The following OPRM1 variants were observed in gnomAD, a reference collection of about 807,000 sequenced individuals.
OPRM1 encodes opioid receptor mu 1.
In OPRM1, 27 loss-of-function variants were observed where a neutral mutation model predicts 31.8. The ratio of observed to expected loss-of-function variants is 0.85; its 90% confidence interval spans 0.63 to 1.17. The LOEUF is 1.17. OPRM1 is among the 50% of genes most tolerant of loss of function. OPRM1 has a pLI of 0.00. For synonymous variants in OPRM1, 196 were observed against 189.9 expected (o/e 1.03, Z -0.26); for missense variants, 536 against 511.1 (o/e 1.05, Z -0.47).
At chr6:154,025,167 T>C (rs1333102505) in intron 1 of OPRM1, among the ~76,000 whole-genome samples, 1 of 152,062 alleles carries the variant, frequency 6.6e-6, no homozygotes, top group Non-Finnish European at 1.5e-5. Flanking sequence ...TCTCTTTAGC[T>C]CTCATAATAC....
chr6:154,119,985 T>C lies in OPRM1; in HGVS notation c.*1264T>C, dbSNP rs1449894156. 6.6e-6 allele frequency among the ~76,000 whole-genome samples: 1 copy of C among 152,206 alleles called. No individual in the cohort carries two copies. The highest frequency in any genetic ancestry group is 2.4e-5 in the African/African-American group (1 of 41,456). ...AATTCTCCGCTTTAACTGATTTTCT[T>C]TGTTGTGAAACACAGTAGAGATTTG... On this transcript the variant is annotated 3_prime_UTR_variant, in exon 4 of 4. Transcript: ENST00000330432.
At chr6:154,212,707 T>C (rs950861546) in intron 3 of OPRM1, 395 of 1,105,896 alleles carry the variant, frequency 3.6e-4, no homozygotes, top group Non-Finnish European at 7.4e-5. Context: ...TCCTATTCAA[T>C]TGGAAGAAAT....
chr6:154,052,331 C>G (rs1374626130), intron 1 of OPRM1, among the ~76,000 whole-genome samples: 2 of 152,126 alleles, frequency 1.3e-5, no homozygotes, highest in African/African-American at 4.8e-5. Flanking sequence ...TATCTTGGAA[C>G]TTAGAGTAAA....
At chr6:154,170,251 T>C (rs1473125660) in intron 3 of OPRM1, among the ~76,000 whole-genome samples, 1 of 151,996 alleles carries the variant, frequency 6.6e-6, no homozygotes, top group Admixed American at 6.5e-5. Context: ...CTCCTTAATG[T>C]TTATATGTTT....
chr6:154,188,417 G>A (rs867146584), intron 3 of OPRM1, among the ~76,000 whole-genome samples: 3 of 152,174 alleles, frequency 2.0e-5, no homozygotes, highest in African/African-American at 4.8e-5. Flanking sequence ...AGACCATAAC[G>A]ATTTCTGTTT....
At chr6:154,091,891 G>C (rs1005741213) in intron 3 of OPRM1, 10 of 990,666 alleles carry the variant, frequency 1.0e-5, no homozygotes, top group African/African-American at 1.7e-5. Context: ...TGTGATTAAA[G>C]AGAGAGGGTG....
At chr6:154,240,313 G>A (rs958492023) in intron 3 of OPRM1, among the ~76,000 whole-genome samples, 1 of 152,156 alleles carries the variant, frequency 6.6e-6, no homozygotes, top group African/African-American at 2.4e-5. Context: ...TACGTCCTCT[G>A]CTGCTTATGT....
At chr6:154,151,429 AG>A (rs1798496066) in intron 3 of OPRM1, among the ~76,000 whole-genome samples, 1 of 152,164 alleles carries the variant, frequency 6.6e-6, no homozygotes, top group African/African-American at 2.4e-5. Context: ...AAAGAGGGGC[AG>A]GGCCCTTTGC....
intron 3 of OPRM1, among the ~76,000 whole-genome samples, chr6:154,170,104 C>T (rs1011801015): frequency 6.6e-6 from 1 of 152,186 alleles, no homozygotes; most frequent in Non-Finnish European, 1.5e-5. Flanking sequence ...TCAAATGATA[C>T]AGAGGTTACT....
chr6:154,093,386 G>T (rs201738067), intron 3 of OPRM1: 2 of 1,614,020 alleles, frequency 1.2e-6, no homozygotes, highest in East Asian at 2.2e-5. Flanking sequence ...TCCTTCACTC[G>T]TCCTGCCTTC....
chr6:154,159,903 G>A (rs1263675905), intron 3 of OPRM1: 1 of 1,613,658 alleles, frequency 6.2e-7, no homozygotes. Flanking sequence ...TGTCATCAGG[G>A]GCAGGCGAAG....
intron 3 of OPRM1, among the ~76,000 whole-genome samples, chr6:154,161,341 G>C (rs1208070859): frequency 1.3e-5 from 2 of 151,680 alleles, no homozygotes; most frequent in African/African-American, 4.8e-5. Flanking sequence ...CTCCCAAGTA[G>C]CTGGGATTAC....
chr6:154,246,735 C>T (rs75433176), exon 4 of OPRM1: 1 of 1,613,968 alleles, frequency 6.2e-7, no homozygotes, highest in Non-Finnish European at 8.5e-7. Context: ...TACACGATAT[C>T]CTCCTCCGAC....
At chr6:154,227,574 C>T (rs926020634) in intron 3 of OPRM1, among the ~76,000 whole-genome samples, 2 of 152,030 alleles carry the variant, frequency 1.3e-5, no homozygotes, top group Non-Finnish European at 2.9e-5. Context: ...AAAAATTAGC[C>T]GAGCATGGCA....
intron 3 of OPRM1, chr6:154,214,293 A>G (rs756461283): frequency 4.4e-6 from 7 of 1,592,428 alleles, no homozygotes; most frequent in Non-Finnish European, 6.0e-6. Context: ...TTCAAATAGA[A>G]AGCAAATGTT....
intron 3 of OPRM1, among the ~76,000 whole-genome samples, chr6:154,137,375 G>A (rs549118806): frequency 1.3e-5 from 2 of 152,108 alleles, no homozygotes. Flanking sequence ...GCATGCTTGT[G>A]CAAGACTAAT....
chr6:154,168,393 A>G lies in OPRM1; in HGVS notation c.1164+76921A>G, dbSNP rs1202453946. ...TTTTGGTTTGTGGCAGTATAACTCC[A>G]ATATTCACATGGGGTGTTCCCTGCA... On this transcript the variant is annotated intron_variant, in intron 3 of 3. Transcript: ENST00000337049. The surrounding 1 kb of genome is among the most constrained non-coding windows in gnomAD (Gnocchi z 4.1). Among the ~76,000 whole-genome samples the G allele has an allele frequency of 1.3e-5, 2 of 152,008 alleles. No homozygotes were observed. Among genetic ancestry groups the G allele is most frequent in the African/African-American group, 4.8e-5 (2 of 41,372 alleles).
At chr6:154,081,132 T>C (rs998137760) in intron 1 of OPRM1, among the ~76,000 whole-genome samples, 1 of 152,174 alleles carries the variant, frequency 6.6e-6, no homozygotes, top group Non-Finnish European at 1.5e-5. Context: ...GGAGAAAATG[T>C]AGTCACCAAA....
chr6:154,090,013 C>A lies in OPRM1; in HGVS notation c.478C>A (p.Leu160Ile), dbSNP rs1463282853. ...TAACATGTTCACCAGCATATTCACCCTCTGCACCATGAGTGTTGATCGATA... is the reference window on the plus strand; with the variant it reads ...TAACATGTTCACCAGCATATTCACCATCTGCACCATGAGTGTTGATCGATA... ...YYNMFTSIFT[L>I]CTMSVDRYIA... is the part of the protein sequence containing the mutation. Residue 160 changes from leucine to isoleucine, a missense_variant, in exon 2 of 4, where the codon CTC becomes ATC. Coordinates refer to ENST00000330432, the MANE Select transcript of OPRM1 (RefSeq NM_000914.5). The A allele has an allele frequency of 6.2e-7, 1 of 1,613,982 alleles. No homozygotes were observed. Among genetic ancestry groups the A allele is most frequent in the Non-Finnish European group, 8.5e-7 (1 of 1,179,988 alleles).
Sources: gnomAD v4.1 joint callset for allele counts (sites outside exome capture counted in the v4.1 genomes callset) on GRCh38, gnomAD v4.1.1 for gene constraint, Gnocchi (gnomAD v3.1) non-coding constraint, MANE v1.5 for transcripts, NCBI Gene and HGNC (gene_info 2026-07-23, HGNC 2026-07-21) for gene names.